HERC1: variants seen among roughly 807,000 people sequenced by gnomAD.
HERC1 encodes probable E3 ubiquitin-protein ligase HERC1.
Under a neutral mutation model 554.3 loss-of-function variants are expected in HERC1, and 160 were observed. The ratio of observed to expected loss-of-function variants is 0.29; its 90% CI spans 0.25 to 0.33. HERC1 has a LOEUF of 0.33. Ranked by LOEUF, HERC1 falls within the 10% of genes least tolerant of loss-of-function variation. The probability of loss-of-function intolerance (pLI) is 1.00; values close to 1 mark genes in which losing one functional copy is unlikely to be tolerated. For synonymous variants in HERC1, 2,175 were observed against 2,131.7 expected, an observed-to-expected ratio of 1.02 and a Z score of -0.56; for missense variants, 4,919 against 5,918.5, an observed-to-expected ratio of 0.83 and a Z score of 5.54.
Position 63,749,610 on chromosome 15 carries a change from C to T in HERC1, c.2047+37G>A, listed in dbSNP as rs530936167. The T allele has an allele frequency of 3.8e-6, 6 of 1,588,444 alleles. No homozygotes were observed. Among genetic ancestry groups the T allele is most frequent in the East Asian group, 2.3e-5 (1 of 43,194 alleles). ...AATGTAATATATTTACACAAGACAA[C>T]AGTTAATACTATTTCCTTAAAAACA... On this transcript the variant is annotated intron_variant, in intron 9 of 77. Coordinates refer to ENST00000443617, the MANE Select transcript of HERC1 (RefSeq NM_003922.4). This position sits in a 1 kb window ranked among gnomAD's most constrained non-coding sequence, Gnocchi z 4.1.
At chr15:63,695,897 T>C (rs1301929094) in intron 27 of HERC1, among the ~76,000 whole-genome samples, 1 of 152,112 alleles carries the variant, frequency 6.6e-6, no homozygotes, top group Non-Finnish European at 1.5e-5. Context: ...ATAATAAAAC[T>C]GGATTAATAA....
chr15:63,725,418 G>A lies in HERC1; in HGVS notation c.3442C>T (p.Leu1148Phe), dbSNP rs887727419. ...ATGCCACCAAGACACCGCCCAATAA[G>A]GAGAGCAATTGTTCTTTCTAGATCC... The part of the protein sequence containing the change: ...LVDLERTIAL[L>F]IGRCLGGMLQ... Residue 1148 changes from leucine to phenylalanine, a missense_variant, in exon 18 of 78, where the codon CTT becomes TTT. Around this residue, in one of 11 missense-constraint regions of HERC1, gnomAD observed 1,121 missense variants for 1,244.0 expected, o/e 0.90. Coordinates refer to ENST00000443617, the MANE Select transcript of HERC1 (RefSeq NM_003922.4). The A allele has an allele frequency of 2.5e-6, 4 of 1,613,830 alleles. No homozygotes were observed. Among genetic ancestry groups the A allele is most frequent in the East Asian group, 2.2e-5 (1 of 44,878 alleles).
At position 63,661,867 on chromosome 15, in the gene HERC1, T is replaced by C. The variant is rs1297395449; in HGVS notation, c.9056A>G (p.Asp3019Gly). 2 of 1,613,864 alleles carry C rather than the reference T, an allele frequency of 1.2e-6. No individual in the cohort carries two copies. Among genetic ancestry groups the C allele is most frequent in the African/African-American group, 1.3e-5 (1 of 74,912 alleles). ...QGYRSNGSYV[D>G]GWFGGECGSG... ...CCCACATTCACCGCCAAACCAGCCA[T>C]CCACATAGGAACCATTGCTGCGATA... is the stretch of plus-strand genomic sequence containing the variant. Residue 3019 changes from aspartate to glycine, a missense_variant, in exon 45 of 78, where the codon GAT (aspartate) becomes GGT (glycine). Around this residue, in one of 11 missense-constraint regions of HERC1, gnomAD observed 1,963 missense variants for 2,228.6 expected, o/e 0.88. Transcript: ENST00000443617.
intron 5 of HERC1, among the ~76,000 whole-genome samples, chr15:63,755,981 T>A (rs2075409151): frequency 6.6e-6 from 1 of 152,174 alleles, no homozygotes; most frequent in Non-Finnish European, 1.5e-5. Context: ...CATTACCTAA[T>A]ACCACACCTG....
chr15:63,767,554 C>T (rs1046873737), intron 2 of HERC1, among the ~76,000 whole-genome samples: 3 of 151,996 alleles, frequency 2.0e-5, no homozygotes, highest in East Asian at 1.9e-4. Flanking sequence ...AAATTTTAGC[C>T]GGGCGTGGTG....
intron 12 of HERC1, among the ~76,000 whole-genome samples, chr15:63,745,695 T>C (rs964419344): frequency 2.0e-5 from 3 of 152,224 alleles, no homozygotes; most frequent in African/African-American, 7.2e-5. Flanking sequence ...TTCAGTGATA[T>C]GAAGTTAAAA....
At chr15:63,649,004 A>C (rs1169083673) in intron 54 of HERC1, among the ~76,000 whole-genome samples, 1 of 152,238 alleles carries the variant, frequency 6.6e-6, no homozygotes, top group Admixed American at 6.5e-5. Flanking sequence ...TTGTCAGACC[A>C]GGAATTCCCT....
chr15:63,678,105 T>C lies in HERC1; in HGVS notation c.6810A>G (p.Arg2270=), dbSNP rs758565711. The change falls in exon 37 of 78, where the codon AGA becomes AGG. Residue 2270 remains arginine, a synonymous_variant. Transcript: ENST00000443617. ...CTTCCTCTTTGCTCTCCTTCTCCTC[T>C]CTCATTTCATTTTCCTCTCGGCTCT... is the stretch of plus-strand genomic sequence containing the variant. ...SVQSREENEM[R]EEKESKEEEK... 6.2e-7 allele frequency: 1 copy of C among 1,613,972 alleles called. No homozygotes were observed. Among genetic ancestry groups the C allele is most frequent in the East Asian group, 2.2e-5 (1 of 44,872 alleles).
chr15:63,706,451 C>CTTT (rs2073011674), intron 25 of HERC1, among the ~76,000 whole-genome samples: 1 of 152,002 alleles, frequency 6.6e-6, no homozygotes, highest in African/African-American at 2.4e-5. Flanking sequence ...TGTAAATAAC[C>CTTT]CCTTTCCATC....
At chr15:63,738,230 A>G (rs1036613796) in intron 12 of HERC1, among the ~76,000 whole-genome samples, 59 of 152,212 alleles carry the variant, frequency 3.9e-4, no homozygotes, top group Non-Finnish European at 2.9e-5. Flanking sequence ...ATTAAATAAT[A>G]CTCATGAAAT....
At chr15:63,690,487 T>C in intron 32 of HERC1, 54 bp downstream of exon 32, 2 of 1,141,434 alleles carry the variant, frequency 1.8e-6, no homozygotes, top group Non-Finnish European at 2.6e-6. Flanking sequence ...CAGATTTGGG[T>C]GAATCATTTT....
At chr15:63,699,026 A>G in intron 25 of HERC1, 30 bp from the exon 26 acceptor site, 1 of 1,566,338 alleles carries the variant, frequency 6.4e-7, no homozygotes, top group Non-Finnish European at 8.7e-7. Flanking sequence ...ACATATATCA[A>G]TGGCAATCAA....
In HERC1 at chr15:63,612,535, T is replaced by A. The variant is rs745761319; in HGVS notation, c.14116A>T (p.Met4706Leu). The A allele has an allele frequency of 6.2e-7, 1 of 1,613,662 alleles. No homozygotes were observed. The highest frequency in any genetic ancestry group is 2.2e-5 in the East Asian group (1 of 44,862). Reference sequence around the variant, plus strand: ...AGCGGCACAGGAACAATCCAGGACATCCCTTCTCGGACTGCAGCCACCTGC... The same window carrying A: ...AGCGGCACAGGAACAATCCAGGACAACCCTTCTCGGACTGCAGCCACCTGC... ...DRQVAAVREG[M>L]SWIVPVPLLS... The change falls in exon 77 of 78, where the codon ATG becomes TTG. Residue 4706 changes from methionine (M) to leucine (L), a missense_variant. By Grantham distance (15) the Met-to-Leu change is conservative (BLOSUM62 2). Coordinates refer to ENST00000443617, the MANE Select transcript of HERC1 (RefSeq NM_003922.4). This position sits in a 1 kb window ranked among gnomAD's most constrained non-coding sequence, Gnocchi z 5.0.
In HERC1 at chr15:63,648,066, T is replaced by C. The variant is rs1313953575; in HGVS notation, c.10878+3A>G. The C allele has an allele frequency of 6.4e-7, 1 of 1,552,702 alleles. No homozygotes were observed. The highest frequency in any genetic ancestry group is 2.0e-5 in the Admixed American group (1 of 50,866). On this transcript the variant is annotated splice_donor_region_variant and intron_variant, in intron 55 of 77. Coordinates refer to ENST00000443617, the MANE Select transcript of HERC1 (RefSeq NM_003922.4). ...AAATTACGTTTTTTAAAGATGCATT[T>C]ACCTTATGTGCATCAATTAGAACAA...
At chr15:63,801,429 G>A (rs1039110232) in intron 1 of HERC1, among the ~76,000 whole-genome samples, 1 of 152,160 alleles carries the variant, frequency 6.6e-6, no homozygotes. Context: ...GGGACAGCCC[G>A]TTGGTATCTG....
chr15:63,664,437 T>C, intron 43 of HERC1, 33 bp downstream of exon 43: 1 of 1,581,558 alleles, frequency 6.3e-7, no homozygotes, highest in Non-Finnish European at 8.6e-7. Context: ...ATAAGATCTT[T>C]CACAAAGAAA....
At chr15:63,812,650 T>G (rs879936860) in intron 1 of HERC1, among the ~76,000 whole-genome samples, 1 of 152,196 alleles carries the variant, frequency 6.6e-6, no homozygotes, top group Non-Finnish European at 1.5e-5. Flanking sequence ...TGCACACTAG[T>G]AAGCTTCACT....
chr15:63,698,968 C>G lies in HERC1; in HGVS notation c.4665G>C (p.Leu1555=), dbSNP rs1255880518. The stretch of plus-strand genomic sequence containing the variant: ...GTTTCAGGCGAGCCCAAGAGTCACT[C>G]AGGGATTCCAATTGACTGTGCATAG... ...RGPMHSQLES[L]SDSWARLKHS... The change falls in exon 26 of 78, where the codon CTG becomes CTC. Residue 1555 remains leucine, a synonymous_variant. Transcript: ENST00000443617. The G allele has an allele frequency of 2.5e-6, 4 of 1,613,188 alleles. No homozygotes were observed. Among genetic ancestry groups the G allele is most frequent in the Non-Finnish European group, 3.4e-6 (4 of 1,179,332 alleles).
intron 12 of HERC1, among the ~76,000 whole-genome samples, chr15:63,745,211 T>C (rs573202807): frequency 3.3e-5 from 5 of 152,292 alleles, no homozygotes; most frequent in South Asian, 4.2e-4. Flanking sequence ...TAGCCTGGCA[T>C]TGGGGTCGGG....
Sources: gnomAD v4.1 joint callset for allele counts (sites outside exome capture counted in the v4.1 genomes callset) on GRCh38, gnomAD v4.1.1 for gene constraint, gnomAD v4.1.1 regional missense constraint, Gnocchi (gnomAD v3.1) non-coding constraint, MANE v1.5 for transcripts, NCBI Gene and HGNC (gene_info 2026-07-23, HGNC 2026-07-21) for gene names.